The following FAT3 variants were observed in gnomAD, a reference collection of about 807,000 sequenced individuals.
FAT3 encodes the protein protocadherin Fat 3.
In FAT3, 95 loss-of-function variants were observed where a neutral mutation model predicts 310.2. The ratio of observed to expected loss-of-function variants is 0.31; its 90% CI spans 0.26 to 0.36. The LOEUF is 0.36. FAT3 is among the 10% of genes least tolerant of loss of function. The probability of loss-of-function intolerance (pLI) is 1.00; values close to 1 mark genes in which losing one functional copy is unlikely to be tolerated. For synonymous variants in FAT3, 2,314 were observed against 2,192.9 expected, an observed-to-expected ratio of 1.06 and a Z score of -1.54; for missense variants, 5,408 against 5,715.6, an observed-to-expected ratio of 0.95 and a Z score of 1.74.
chr11:92,673,055 C>G (rs1396333642), intron 3 of FAT3, among the ~76,000 whole-genome samples: 2 of 152,130 alleles, frequency 1.3e-5, no homozygotes, highest in South Asian at 2.1e-4. Context: ...AATTCTTATT[C>G]TGTTTTGGAT....
intron 1 of FAT3, among the ~76,000 whole-genome samples, chr11:92,265,724 A>G (rs1591027674): frequency 1.3e-5 from 2 of 152,078 alleles, no homozygotes; most frequent in African/African-American, 4.8e-5. Flanking sequence ...GCTCATGGAC[A>G]ATGTCATCTC....
rs1591853578 is a variant in FAT3 at position 92,883,703 on chromosome 11, C to T, written c.12937+310C>T. Among the ~76,000 whole-genome samples, 1 of 152,214 alleles carries T rather than the reference C, an allele frequency of 6.6e-6. No homozygotes were observed. The highest frequency in any genetic ancestry group is 1.9e-4 in the East Asian group (1 of 5,152). On this transcript the variant is annotated intron_variant, in intron 24 of 27. Coordinates refer to ENST00000525166, the MANE Select transcript of FAT3 (RefSeq NM_001367949.2). This position sits in a 1 kb window ranked among gnomAD's most constrained non-coding sequence, Gnocchi z 4.2. ...CCCATCCTCTTCTCACAATAGCGGG[C>T]CACTGGTCAAAGTGCAAAAGAAAAG...
chr11:92,678,134 G>A (rs1943350014), intron 3 of FAT3, among the ~76,000 whole-genome samples: 1 of 152,122 alleles, frequency 6.6e-6, no homozygotes, highest in South Asian at 2.1e-4. Context: ...TTGCAAGAGG[G>A]AAACAATCAG....
chr11:92,538,437 GA>G (rs1175275197), intron 3 of FAT3, among the ~76,000 whole-genome samples: 1 of 152,166 alleles, frequency 6.6e-6, no homozygotes, highest in Non-Finnish European at 1.5e-5. Context: ...AGATGCTGAG[GA>G]AATTAGGCGG....
intron 3 of FAT3, among the ~76,000 whole-genome samples, chr11:92,658,663 G>A (rs975499400): frequency 6.6e-6 from 1 of 152,160 alleles, no homozygotes; most frequent in Non-Finnish European, 1.5e-5. Flanking sequence ...AGTAAACAAG[G>A]CCTGAGCAGT....
intron 2 of FAT3, among the ~76,000 whole-genome samples, chr11:92,430,669 C>T (rs1351650727): frequency 2.0e-5 from 3 of 152,054 alleles, no homozygotes; most frequent in Non-Finnish European, 4.4e-5. Flanking sequence ...GCTCCCCCCA[C>T]CCTACAACAG....
At chr11:92,786,786 A>T (rs182009324) in intron 7 of FAT3, among the ~76,000 whole-genome samples, 19 of 152,322 alleles carry the variant, frequency 1.2e-4, no homozygotes, top group East Asian at 1.9e-4. Context: ...AAAATATTTT[A>T]AAAATGGGCA....
intron 1 of FAT3, among the ~76,000 whole-genome samples, chr11:92,247,386 G>C (rs989732214): frequency 6.8e-6 from 1 of 146,666 alleles, no homozygotes; most frequent in Admixed American, 6.8e-5. Context: ...GTCCTCTTTT[G>C]CTCTTGCTTG....
chr11:92,810,692 A>C (rs1345752123), intron 13 of FAT3, among the ~76,000 whole-genome samples: 1 of 152,196 alleles, frequency 6.6e-6, no homozygotes, highest in Non-Finnish European at 1.5e-5. Flanking sequence ...AGTTGCTAAT[A>C]AAGTTTATGC....
At position 92,873,165 on chromosome 11, in the gene FAT3, G is replaced by A. The variant is rs75643205; in HGVS notation, c.12127+5956G>A. ...TGAATCCAGAAACCTTATTGTTCCC[G>A]ATGAAGTGAGTATTAGTGAGTCTCA... On this transcript the variant is annotated intron_variant, in intron 22 of 27. Coordinates refer to ENST00000525166, the MANE Select transcript of FAT3 (RefSeq NM_001367949.2). 5.5e-3 allele frequency among the ~76,000 whole-genome samples: 833 copies of A among 152,232 alleles called. 53 individuals are homozygous for A. The East Asian group carries it at 0.14, about 25-fold the overall frequency.
intron 22 of FAT3, among the ~76,000 whole-genome samples, chr11:92,878,104 A>C (rs373623090): frequency 6.6e-6 from 1 of 152,214 alleles, no homozygotes; most frequent in South Asian, 2.1e-4. Context: ...GAATTGGCTT[A>C]TGACTGAGCA....
chr11:92,265,249 T>C (rs1945903791), intron 1 of FAT3, among the ~76,000 whole-genome samples: 1 of 151,736 alleles, frequency 6.6e-6, no homozygotes, highest in Non-Finnish European at 1.5e-5. Context: ...TTGACTAGAC[T>C]AGGAACAAAA....
In FAT3 at chr11:92,828,619, A is replaced by G. The variant is rs1948159493; in HGVS notation, c.9482-3003A>G. On this transcript the variant is annotated intron_variant, in intron 13 of 27. Coordinates refer to ENST00000525166, the MANE Select transcript of FAT3 (RefSeq NM_001367949.2). ...GGAGGTGGGGGGAGTGTGGGTCAGC[A>G]ACTTGCAGGGGGAAGGGATGGTTTT... 3.3e-5 allele frequency among the ~76,000 whole-genome samples: 5 copies of G among 152,264 alleles called. No individual in the cohort carries two copies. In the South Asian group the frequency reaches 1.0e-3, roughly 32 times the overall value.
At chr11:92,607,490 T>C (rs1940356629) in intron 3 of FAT3, among the ~76,000 whole-genome samples, 1 of 152,202 alleles carries the variant, frequency 6.6e-6, no homozygotes, top group African/African-American at 2.4e-5. Context: ...TGAGGGGACT[T>C]TATCTGCCTT....
Position 92,558,825 on chromosome 11 carries a change from C to T in FAT3, c.3607+33877C>T, listed in dbSNP as rs561395004. 3.9e-5 allele frequency among the ~76,000 whole-genome samples: 6 copies of T among 152,224 alleles called. No individual in the cohort carries two copies. In the South Asian group the frequency reaches 1.2e-3, roughly 32 times the overall value. Reference sequence around the variant, plus strand: ...GGGTCCAATTCTTTACCTTCATTCACCTCTGAGCCCCATTCAATGTGGGTC... The same window carrying T: ...GGGTCCAATTCTTTACCTTCATTCATCTCTGAGCCCCATTCAATGTGGGTC... On this transcript the variant is annotated intron_variant, in intron 3 of 27. Coordinates refer to ENST00000525166, the MANE Select transcript of FAT3 (RefSeq NM_001367949.2).
At chr11:92,822,691 T>C (rs1431678594) in intron 13 of FAT3, among the ~76,000 whole-genome samples, 1 of 152,192 alleles carries the variant, frequency 6.6e-6, no homozygotes, top group Non-Finnish European at 1.5e-5. Context: ...AATCTTTCTT[T>C]TTCTCTTTCT....
intron 3 of FAT3, among the ~76,000 whole-genome samples, chr11:92,558,252 A>G (rs1472607902): frequency 2.0e-5 from 3 of 152,186 alleles, no homozygotes; most frequent in Non-Finnish European, 4.4e-5. Flanking sequence ...TTTAGTAACT[A>G]TAGAAAATGT....
chr11:92,380,063 A>G (rs1949450114), intron 2 of FAT3, among the ~76,000 whole-genome samples: 1 of 138,914 alleles, frequency 7.2e-6, no homozygotes, highest in Non-Finnish European at 1.5e-5. Context: ...GCCATCATGC[A>G]AACTGATTCG....
chr11:92,609,124 T>C (rs1046935502), intron 3 of FAT3, among the ~76,000 whole-genome samples: 1 of 152,356 alleles, frequency 6.6e-6, no homozygotes, highest in South Asian at 2.1e-4. Context: ...AAAGAGGTGA[T>C]TTCTTTTTTA....
Sources: gnomAD v4.1 joint callset for allele counts (sites outside exome capture counted in the v4.1 genomes callset) on GRCh38, gnomAD v4.1.1 for gene constraint, Gnocchi (gnomAD v3.1) non-coding constraint, MANE v1.5 for transcripts, NCBI Gene and HGNC (gene_info 2026-07-23, HGNC 2026-07-21) for gene names.